CALM3: variants seen among roughly 807,000 people sequenced by gnomAD.
CALM3 encodes calmodulin 3, also known as calmodulin-3.
Under a neutral mutation model 20.1 loss-of-function variants are expected in CALM3, and 5 were observed. The ratio of observed to expected loss-of-function variants is 0.25; its 90% CI spans 0.13 to 0.52. CALM3 has a LOEUF of 0.52. CALM3 is among the 20% of genes least tolerant of loss of function. The pLI is 0.96. For synonymous variants in CALM3, 69 were observed against 68.1 expected (o/e 1.01, Z -0.06); for missense variants, 57 against 192.8 (o/e 0.30, Z 4.17).
chr19:46,601,454 G>T lies in CALM3; in HGVS notation c.3+17G>T, dbSNP rs982176814. 1 of 1,493,670 alleles carries T rather than the reference G, an allele frequency of 6.7e-7. No individual in the cohort carries two copies. The highest frequency in any genetic ancestry group is 2.2e-5 in the Admixed American group (1 of 46,140). The allele number at this position is 1,493,670 out of a possible 1,614,324, so 92.5% of individuals were successfully genotyped here. On this transcript the variant is annotated intron_variant, in intron 1 of 5. Transcript: ENST00000291295. The surrounding 1 kb of genome is among the most constrained non-coding windows in gnomAD (Gnocchi z 4.2). ...CTCGCCATGGTGAGTGAGGCTGGGG[G>T]GTCGCCGAGGCTGCGGGCTCTGAGG...
At position 46,601,559 on chromosome 19, in the gene CALM3, A is replaced by T. The variant is rs1467551402; in HGVS notation, c.3+122A>T. 3 of 921,576 alleles carry T rather than the reference A, an allele frequency of 3.3e-6. No individual in the cohort carries two copies. Among genetic ancestry groups the T allele is most frequent in the Non-Finnish European group, 4.4e-6 (3 of 676,748 alleles). The allele number at this position is 921,576 out of a possible 1,614,324, so 57.1% of individuals were successfully genotyped here. A position where few individuals can be genotyped will look rare whatever the true frequency, so the allele number is the denominator to read the frequency against. The stretch of plus-strand genomic sequence containing the variant: ...GTCCGGGCCCGGCGAGAGCCTCGGG[A>T]CCCTTTTCTACCCGCGTTGTCGGGG... On this transcript the variant is annotated intron_variant, in intron 1 of 5. Transcript: ENST00000291295. This position sits in a 1 kb window ranked among gnomAD's most constrained non-coding sequence, Gnocchi z 4.2.
chr19:46,609,009 G>C (rs771635378), intron 5 of CALM3, 28 bp downstream of exon 5: 1 of 1,605,496 alleles, frequency 6.2e-7, no homozygotes, highest in Non-Finnish European at 8.5e-7. Flanking sequence ...TTGATCTCTG[G>C]AACAAGAAGA....
rs1418895681 is a variant in CALM3 at position 46,610,694 on chromosome 19, T to G, written c.*1541T>G. 1.3e-5 allele frequency: 2 copies of G among 152,642 alleles called. No individual in the cohort carries two copies. The highest frequency in any genetic ancestry group is 4.8e-5 in the African/African-American group (2 of 41,430). 9.5% of individuals were successfully genotyped at this position (152,642 alleles called of 1,614,324 possible). A position where few individuals can be genotyped will look rare whatever the true frequency, so the allele number is the denominator to read the frequency against. ...ATTTTCGGAATGTTTTGGTTTTGTT[T>G]TTTTTAAACCGGGCAATATTGTGTT... On this transcript the variant is annotated 3_prime_UTR_variant, in exon 6 of 6. Transcript: ENST00000291295.
Position 46,605,925 on chromosome 19 carries a change from T to A in CALM3, c.34+68T>A. The A allele has an allele frequency of 7.0e-7, 1 of 1,425,030 alleles. No homozygotes were observed. Among genetic ancestry groups the A allele is most frequent in the Non-Finnish European group, 9.9e-7 (1 of 1,008,590 alleles). The allele number at this position is 1,425,030 out of a possible 1,614,324, so 88.3% of individuals were successfully genotyped here. ...ACATCCCCAGCCAAATCTTAGCCAC[T>A]GAGGAGTGACATCTGATGGGTGAAC... On this transcript the variant is annotated intron_variant, in intron 2 of 5. Coordinates refer to ENST00000291295, the MANE Select transcript of CALM3 (RefSeq NM_005184.4). The surrounding 1 kb of genome is among the most constrained non-coding windows in gnomAD (Gnocchi z 4.1).
intron 2 of CALM3, among the ~76,000 whole-genome samples, chr19:46,607,601 G>A (rs1352911703): frequency 1.3e-5 from 2 of 152,012 alleles, no homozygotes; most frequent in Admixed American, 6.6e-5. Flanking sequence ...CGCACTGTCC[G>A]TCAGCCATGT....
chr19:46,609,441 CT>C lies in CALM3; in HGVS notation c.*290del, dbSNP rs1212480767. On this transcript the variant is annotated 3_prime_UTR_variant, in exon 6 of 6. Transcript: ENST00000291295. Reference sequence around the variant, plus strand: ...TAAGTTGAAGCCCTCCCCAGATCCCCTTGGGGAGCCTCTGCCCTCCTCCAGC... The same window carrying C: ...TAAGTTGAAGCCCTCCCCAGATCCCCTGGGGAGCCTCTGCCCTCCTCCAGC... 27 of 504,560 alleles carry C rather than the reference CT, an allele frequency of 5.4e-5. No homozygotes were observed. In the Middle Eastern group the frequency reaches 5.8e-3, roughly 109 times the overall value. The allele number at this position is 504,560 out of a possible 1,614,324, so 31.3% of individuals were successfully genotyped here. A position where few individuals can be genotyped will look rare whatever the true frequency, so the allele number is the denominator to read the frequency against.
Position 46,601,375 on chromosome 19 carries a change from A to G in CALM3, c.-60A>G. Reference sequence around the variant, plus strand: ...CGCGCGGCGGAGCTGGAACTGCTGCAGCTGCTGCCGCCGCCGGAGGAACCT... The same window carrying G: ...CGCGCGGCGGAGCTGGAACTGCTGCGGCTGCTGCCGCCGCCGGAGGAACCT... On this transcript the variant is annotated 5_prime_UTR_variant, in exon 1 of 6. Coordinates refer to ENST00000291295, the MANE Select transcript of CALM3 (RefSeq NM_005184.4). This position sits in a 1 kb window ranked among gnomAD's most constrained non-coding sequence, Gnocchi z 4.2. 6.7e-7 allele frequency: 1 copy of G among 1,493,482 alleles called. No homozygotes were observed. The highest frequency in any genetic ancestry group is 8.9e-7 in the Non-Finnish European group (1 of 1,123,854). The allele number at this position is 1,493,482 out of a possible 1,614,324, so 92.5% of individuals were successfully genotyped here.
Position 46,608,658 on chromosome 19 carries a change from C to A in CALM3, c.285+70C>A. ...TTCAGGCAGACAGGCGGAACTGGAG[C>A]CACGGAGCTACCACTTCCAGGAGGT... is the stretch of plus-strand genomic sequence containing the variant. On this transcript the variant is annotated intron_variant, in intron 4 of 5. Transcript: ENST00000291295. This position sits in a 1 kb window ranked among gnomAD's most constrained non-coding sequence, Gnocchi z 5.5. 1.4e-6 allele frequency: 2 copies of A among 1,385,736 alleles called. No individual in the cohort carries two copies. Among genetic ancestry groups the A allele is most frequent in the Non-Finnish European group, 1.0e-6 (1 of 984,156 alleles). 85.8% of individuals were successfully genotyped at this position (1,385,736 alleles called of 1,614,324 possible).
rs1285541308 is a variant in CALM3, at chr19:46,605,626, G to T, written c.4-201G>T. ...AGGCCTGAGTGTCCAGCCCACCCTG[G>T]TACCCAGCTTTCTGAATCACCAGAC... is the stretch of plus-strand genomic sequence containing the variant. On this transcript the variant is annotated intron_variant, in intron 1 of 5. Coordinates refer to ENST00000291295, the MANE Select transcript of CALM3 (RefSeq NM_005184.4). This position sits in a 1 kb window ranked among gnomAD's most constrained non-coding sequence, Gnocchi z 4.1. Among the ~76,000 whole-genome samples, 1 of 152,214 alleles carries T rather than the reference G, an allele frequency of 6.6e-6. No homozygotes were observed. Among genetic ancestry groups the T allele is most frequent in the Non-Finnish European group, 1.5e-5 (1 of 68,030 alleles).
At chr19:46,606,349 T>G (rs1971742755) in intron 2 of CALM3, 1 of 156,034 alleles carries the variant, frequency 6.4e-6, no homozygotes, top group African/African-American at 2.4e-5. Flanking sequence ...GCCTCCCCAG[T>G]GCTTTGCATG....
Position 46,605,600 on chromosome 19 carries a change from C to G in CALM3, c.4-227C>G, listed in dbSNP as rs1253643010. Among the ~76,000 whole-genome samples the G allele has an allele frequency of 6.6e-6, 1 of 152,248 alleles. No homozygotes were observed. The highest frequency in any genetic ancestry group is 1.5e-5 in the Non-Finnish European group (1 of 68,040). The stretch of plus-strand genomic sequence containing the variant: ...CAGCTTCATCGGGCCGTGCGTCCAG[C>G]AGGCCTGAGTGTCCAGCCCACCCTG... On this transcript the variant is annotated intron_variant, in intron 1 of 5. Coordinates refer to ENST00000291295, the MANE Select transcript of CALM3 (RefSeq NM_005184.4). The surrounding 1 kb of genome is among the most constrained non-coding windows in gnomAD (Gnocchi z 4.1).
chr19:46,602,234 T>C, intron 1 of CALM3: 1 of 1,347,386 alleles, frequency 7.4e-7, no homozygotes, highest in Non-Finnish European at 9.9e-7. Context: ...TCGCCAGTAG[T>C]CGGGGGACAG....
chr19:46,608,728 C>T lies in CALM3; in HGVS notation c.286-118C>T. On this transcript the variant is annotated intron_variant, in intron 4 of 5. Transcript: ENST00000291295. This position sits in a 1 kb window ranked among gnomAD's most constrained non-coding sequence, Gnocchi z 5.5. Reference sequence around the variant, plus strand: ...TCATTGCCAACCTGCTCTGCCACCTCAGGCAGCCTCCCTCACTGTGCTCAC... The same window carrying T: ...TCATTGCCAACCTGCTCTGCCACCTTAGGCAGCCTCCCTCACTGTGCTCAC... 2.3e-6 allele frequency: 3 copies of T among 1,325,476 alleles called. No homozygotes were observed. Among genetic ancestry groups the T allele is most frequent in the East Asian group, 2.5e-5 (1 of 40,388 alleles). The allele number at this position is 1,325,476 out of a possible 1,614,324, so 82.1% of individuals were successfully genotyped here. A position where few individuals can be genotyped will look rare whatever the true frequency, so the allele number is the denominator to read the frequency against.
chr19:46,603,532 C>T (rs768022321), intron 1 of CALM3, among the ~76,000 whole-genome samples: 2 of 152,172 alleles, frequency 1.3e-5, no homozygotes, highest in Non-Finnish European at 2.9e-5. Flanking sequence ...CCCTCCCCCA[C>T]CTCATGGTTT....
Position 46,608,393 on chromosome 19 carries a change from T to G in CALM3, c.178+53T>G. 1 of 1,610,718 alleles carries G rather than the reference T, an allele frequency of 6.2e-7. No individual in the cohort carries two copies. Among genetic ancestry groups the G allele is most frequent in the African/African-American group, 1.3e-5 (1 of 74,974 alleles). On this transcript the variant is annotated intron_variant, in intron 3 of 5. Transcript: ENST00000291295. The surrounding 1 kb of genome is among the most constrained non-coding windows in gnomAD (Gnocchi z 5.5). ...CCTGCTCCTGGTCACCCCGAGTGAC[T>G]GCAGGGAGCCTCTCTCAGGGTGATG...
rs34089805 is a variant in CALM3 at position 46,608,504 on chromosome 19, G to A, written c.201G>A (p.Pro67=). The change falls in exon 4 of 6, where the codon CCG becomes CCA. Residue 67 remains proline, a synonymous_variant. Transcript: ENST00000291295. This position sits in a 1 kb window ranked among gnomAD's most constrained non-coding sequence, Gnocchi z 5.5. ...DADGNGTIDF[P]EFLTMMARKM... ...CAGGGAACGGGACCATTGACTTCCC[G>A]GAGTTCCTGACCATGATGGCCAGAA... 3.9e-3 allele frequency: 6,277 copies of A among 1,614,060 alleles called. 27 individuals carry two copies. Among genetic ancestry groups the A allele is most frequent in the Non-Finnish European group, 4.9e-3 (5,806 of 1,179,918 alleles).
chr19:46,605,268 T>C lies in CALM3; in HGVS notation c.4-559T>C, dbSNP rs1017058032. 7 of 152,708 alleles carry C rather than the reference T, an allele frequency of 4.6e-5. No individual in the cohort carries two copies. The highest frequency in any genetic ancestry group is 1.7e-4 in the African/African-American group (7 of 41,454). The allele number at this position is 152,708 out of a possible 1,614,324, so 9.5% of individuals were successfully genotyped here. The stretch of plus-strand genomic sequence containing the variant: ...CGCCGGTTAGGAGAATTTTTGCCAC[T>C]TGGGTGGACTCTGCCTGAGCCAACC... On this transcript the variant is annotated intron_variant, in intron 1 of 5. Coordinates refer to ENST00000291295, the MANE Select transcript of CALM3 (RefSeq NM_005184.4). This position sits in a 1 kb window ranked among gnomAD's most constrained non-coding sequence, Gnocchi z 4.1.
chr19:46,608,442 C>T lies in CALM3; in HGVS notation c.179-40C>T. On this transcript the variant is annotated intron_variant, in intron 3 of 5. Transcript: ENST00000291295. This position sits in a 1 kb window ranked among gnomAD's most constrained non-coding sequence, Gnocchi z 5.5. ...TGGATGAGCCCGTGTCTCTCAGGGC[C>T]CAGGCCAAGAGCATTCTCCATCCTT... 4 of 1,607,880 alleles carry T rather than the reference C, an allele frequency of 2.5e-6. No individual in the cohort carries two copies. Among genetic ancestry groups the T allele is most frequent in the South Asian group, 1.1e-5 (1 of 90,944 alleles).
intron 2 of CALM3, among the ~76,000 whole-genome samples, chr19:46,606,774 C>T (rs948243862): frequency 3.3e-5 from 5 of 152,272 alleles, no homozygotes; most frequent in East Asian, 1.9e-4. Context: ...CCTGCCTACC[C>T]GCCCATACTG....
Sources: allele counts gnomAD v4.1 joint callset (sites outside exome capture counted in the v4.1 genomes callset), GRCh38; gene constraint gnomAD v4.1.1; non-coding constraint Gnocchi (gnomAD v3.1); transcripts MANE v1.5; gene names NCBI Gene and HGNC (gene_info 2026-07-23, HGNC 2026-07-21).